The following CYB561D1 variants were observed in gnomAD, a reference collection of about 807,000 sequenced individuals.
CYB561D1 encodes the protein probable transmembrane reductase CYB561D1.
Under a neutral mutation model 19.2 loss-of-function variants are expected in CYB561D1, and 15 were observed. The ratio of observed to expected loss-of-function variants is 0.78; its 90% confidence interval spans 0.52 to 1.20. The LOEUF is 1.20. Among genes scored for constraint, CYB561D1 ranks in the 50% most tolerant of loss-of-function variants. CYB561D1 has a pLI of 0.00. For synonymous variants in CYB561D1, 133 were observed against 120.6 expected (o/e 1.10, Z -0.68); for missense variants, 297 against 287.3 (o/e 1.03, Z -0.24).
In CYB561D1 at chr1:109,496,130, A is replaced by G. The variant is rs765216828; in HGVS notation, c.561A>G (p.Ser187=). The part of the protein sequence containing the change: ...ATVTVLLGMY[S]VWFQAQIKGA... The stretch of plus-strand genomic sequence containing the variant: ...TAACGGTGCTTCTGGGCATGTACTC[A>G]GTATGGTTCCAGGCCCAGATCAAAG... The change falls in exon 3 of 3, where the codon TCA becomes TCG. Residue 187 remains serine (S), a synonymous_variant. Transcript: ENST00000420578. 1.1e-5 allele frequency: 18 copies of G among 1,614,210 alleles called. No homozygotes were observed. In the South Asian group the frequency reaches 2.0e-4, roughly 18 times the overall value.
Position 109,495,987 on chromosome 1 carries a change from G to T in CYB561D1, c.418G>T (p.Val140Phe), listed in dbSNP as rs773029717. The T allele has an allele frequency of 1.9e-6, 3 of 1,610,218 alleles. No homozygotes were observed. The Admixed American group carries it at 5.0e-5, about 27-fold the overall frequency. ...AGCCCTGACACTGCTGGCCACTGCT[G>T]TCCAGGCACTGTGTGGGCTCTGCCT... is the stretch of plus-strand genomic sequence containing the variant. ...VGALTLLATA[V>F]QALCGLCLLC... is the part of the protein sequence containing the mutation. Residue 140 changes from valine to phenylalanine, a missense_variant, in exon 3 of 3, where the codon GTC (valine) becomes TTC (phenylalanine). By Grantham distance (50) the Val-to-Phe change is conservative. Transcript: ENST00000420578.
Position 109,496,133 on chromosome 1 carries a change from ATGGTTCCAGGCC to A in CYB561D1, c.565_576del (p.Trp189_Ala192del), listed in dbSNP as rs1429178521. The A allele has an allele frequency of 6.2e-7, 1 of 1,614,190 alleles. No individual in the cohort carries two copies. Among genetic ancestry groups the A allele is most frequent in the East Asian group, 2.2e-5 (1 of 44,888 alleles). On this transcript the variant is annotated inframe_deletion, in exon 3 of 3. Transcript: ENST00000420578. The stretch of plus-strand genomic sequence containing the variant: ...CGGTGCTTCTGGGCATGTACTCAGT[ATGGTTCCAGGCC>A]CAGATCAAAGGTGCGGCCTGGTACC...
Position 109,498,994 on chromosome 1 carries a change from T to C in CYB561D1, c.*2735T>C, listed in dbSNP as rs1486442486. The C allele has an allele frequency of 1.3e-5, 2 of 151,674 alleles. No homozygotes were observed. The highest frequency in any genetic ancestry group is 4.9e-5 in the African/African-American group (2 of 41,098). 9.4% of individuals were successfully genotyped at this position (151,674 alleles called of 1,614,324 possible). The stretch of plus-strand genomic sequence containing the variant: ...TTTGATTATATTCCAAATTTGATTA[T>C]ATTCAGATTCAACCTTGAGGACATT... On this transcript the variant is annotated 3_prime_UTR_variant, in exon 3 of 3. Transcript: ENST00000420578.
At chr1:109,495,539 T>C (rs1227484611) in intron 2 of CYB561D1, 4 of 816,506 alleles carry the variant, frequency 4.9e-6, no homozygotes, top group Non-Finnish European at 7.5e-6. Flanking sequence ...ATTGTAGAGG[T>C]TGGGATGGGG....
chr1:109,495,565 T>C, intron 2 of CYB561D1, 191 bp from the exon 3 acceptor site: 2 of 1,050,972 alleles, frequency 1.9e-6, no homozygotes, highest in South Asian at 3.3e-5. Flanking sequence ...TCAACCTGAA[T>C]GAGGAGACGT....
At chr1:109,495,529 A>C in intron 2 of CYB561D1, 1 of 778,910 alleles carries the variant, frequency 1.3e-6, no homozygotes, top group Non-Finnish European at 2.0e-6. Context: ...AATGGGAGTC[A>C]TTGTAGAGGT....
rs1657710811 is a variant in CYB561D1, at chr1:109,498,636, G to A, written c.*2377G>A. 6.6e-6 allele frequency: 1 copy of A among 152,198 alleles called. No individual in the cohort carries two copies. Among genetic ancestry groups the A allele is most frequent in the South Asian group, 2.1e-4 (1 of 4,818 alleles). The allele number at this position is 152,198 out of a possible 1,614,324, so 9.4% of individuals were successfully genotyped here. On this transcript the variant is annotated 3_prime_UTR_variant, in exon 3 of 3. Coordinates refer to ENST00000420578, the MANE Select transcript of CYB561D1 (RefSeq NM_182580.3). ...GCCAGGGCACTCTTCCTCCAGCTGGGATCTCAGTGGCTCCCAGCTGCATGG... is the reference window on the plus strand; with the variant it reads ...GCCAGGGCACTCTTCCTCCAGCTGGAATCTCAGTGGCTCCCAGCTGCATGG...
chr1:109,496,016 T>C lies in CYB561D1; in HGVS notation c.447T>C (p.Leu149=). Residue 149 remains leucine, a synonymous_variant, in exon 3 of 3, where the codon CTT becomes CTC. Coordinates refer to ENST00000420578, the MANE Select transcript of CYB561D1 (RefSeq NM_182580.3). ...AGGCACTGTGTGGGCTCTGCCTCCT[T>C]TGTCCCCGGGCAGCCAGGGTCTCAA... ...AVQALCGLCL[L]CPRAARVSRV... 1 of 1,608,966 alleles carries C rather than the reference T, an allele frequency of 6.2e-7. No individual in the cohort carries two copies. The highest frequency in any genetic ancestry group is 8.5e-7 in the Non-Finnish European group (1 of 1,176,066).
At chr1:109,495,104 A>G in intron 1 of CYB561D1, 39 bp from the exon 2 acceptor site, 1 of 1,612,050 alleles carries the variant, frequency 6.2e-7, no homozygotes, top group Non-Finnish European at 8.5e-7. Flanking sequence ...GGCAGGAACA[A>G]TGGTACCAAG....
Position 109,495,002 on chromosome 1 carries a change from T to C in CYB561D1, c.149-141T>C, listed in dbSNP as rs1657439230. 9 of 996,996 alleles carry C rather than the reference T, an allele frequency of 9.0e-6. No individual in the cohort carries two copies. In the Admixed American group the frequency reaches 1.8e-4, roughly 20 times the overall value. The allele number at this position is 996,996 out of a possible 1,614,324, so 61.8% of individuals were successfully genotyped here. On this transcript the variant is annotated intron_variant, in intron 1 of 2. Transcript: ENST00000420578. ...GCTCACCCTGGGGCTCCTTGGCTGC[T>C]CCACTTTGTCCTTAGTTCCTGTGCC... is the stretch of plus-strand genomic sequence containing the variant.
In CYB561D1 at chr1:109,495,599, T is replaced by C; in HGVS notation, c.187-157T>C. Reference sequence around the variant, plus strand: ...GTGCACTCAAGTGCTGATTCCCAAATGTTCCCAGAAATGTTGAGCTGTGAG... The same window carrying C: ...GTGCACTCAAGTGCTGATTCCCAAACGTTCCCAGAAATGTTGAGCTGTGAG... On this transcript the variant is annotated intron_variant, in intron 2 of 2. Coordinates refer to ENST00000420578, the MANE Select transcript of CYB561D1 (RefSeq NM_182580.3). The C allele has an allele frequency of 3.5e-6, 5 of 1,437,928 alleles. No individual in the cohort carries two copies. In the Admixed American group the frequency reaches 1.1e-4, roughly 32 times the overall value. 89.1% of individuals were successfully genotyped at this position (1,437,928 alleles called of 1,614,324 possible).
Position 109,496,382 on chromosome 1 carries a change from C to T in CYB561D1, c.*123C>T. On this transcript the variant is annotated 3_prime_UTR_variant, in exon 3 of 3. Transcript: ENST00000420578. ...TCGCACTTCTTGGCTGGTCCAGGGA[C>T]TGCAGAAACCAAAGCTGCTATTGTT... 2.7e-6 allele frequency: 3 copies of T among 1,100,420 alleles called. No homozygotes were observed. The South Asian group carries it at 5.2e-5, about 19-fold the overall frequency. The allele number at this position is 1,100,420 out of a possible 1,614,324, so 68.2% of individuals were successfully genotyped here.
In CYB561D1 at chr1:109,498,724, C is replaced by T. The variant is rs1274186376; in HGVS notation, c.*2465C>T. 6.6e-6 allele frequency: 1 copy of T among 152,118 alleles called. No homozygotes were observed. Among genetic ancestry groups the T allele is most frequent in the Non-Finnish European group, 1.5e-5 (1 of 68,072 alleles). The allele number at this position is 152,118 out of a possible 1,614,324, so 9.4% of individuals were successfully genotyped here. Reference sequence around the variant, plus strand: ...TTCCCCGCACCTCCCTTATTCTGCTCATGTCTGGGGTATTCACTTGGCTCC... The same window carrying T: ...TTCCCCGCACCTCCCTTATTCTGCTTATGTCTGGGGTATTCACTTGGCTCC... On this transcript the variant is annotated 3_prime_UTR_variant, in exon 3 of 3. Transcript: ENST00000420578.
At chr1:109,494,694 A>G (rs1657407539) in intron 1 of CYB561D1, 4 of 796,198 alleles carry the variant, frequency 5.0e-6, no homozygotes, top group Non-Finnish European at 5.2e-6. Flanking sequence ...AAAATTAGCC[A>G]GGCGTGATGG....
At position 109,497,958 on chromosome 1, in the gene CYB561D1, T is replaced by C. The variant is rs1402628164; in HGVS notation, c.*1699T>C. The C allele has an allele frequency of 6.6e-6, 1 of 152,234 alleles. No homozygotes were observed. The highest frequency in any genetic ancestry group is 6.5e-5 in the Admixed American group (1 of 15,280). 9.4% of individuals were successfully genotyped at this position (152,234 alleles called of 1,614,324 possible). A position where few individuals can be genotyped will look rare whatever the true frequency, so the allele number is the denominator to read the frequency against. ...AGGCCCCTGCTGTGCAGAGGGGTAT[T>C]GTTCCTGTCTCTTTCATTGTCCTCC... is the stretch of plus-strand genomic sequence containing the variant. On this transcript the variant is annotated 3_prime_UTR_variant, in exon 3 of 3. Transcript: ENST00000420578.
At chr1:109,495,059 G>A in intron 1 of CYB561D1, 84 bp from the exon 2 acceptor site, 1 of 1,497,096 alleles carries the variant, frequency 6.7e-7, no homozygotes, top group Non-Finnish European at 9.3e-7. Flanking sequence ...CTTTTCTCCT[G>A]TGGCTAGATT....
chr1:109,496,165 G>A lies in CYB561D1; in HGVS notation c.596G>A (p.Trp199Ter), dbSNP rs202187355. ...CAGGCCCAGATCAAAGGTGCGGCCT[G>A]GTACCTGTGCCTGGCACTGCCCGTC... is the stretch of plus-strand genomic sequence containing the variant. ...WFQAQIKGAA[W>*]YLCLALPVYP... Residue 199 changes from tryptophan to a stop codon, truncating the protein, a stop_gained, in exon 3 of 3, where the codon TGG becomes TAG. Transcript: ENST00000420578. LOFTEE classifies it high-confidence loss of function. 1 of 1,613,236 alleles carries A rather than the reference G, an allele frequency of 6.2e-7. No individual in the cohort carries two copies. Among genetic ancestry groups the A allele is most frequent in the Non-Finnish European group, 8.5e-7 (1 of 1,179,230 alleles).
At chr1:109,495,579 C>T (rs570527035) in intron 2 of CYB561D1, 177 bp from the exon 3 acceptor site, 2 of 1,251,038 alleles carry the variant, frequency 1.6e-6, no homozygotes, top group South Asian at 1.5e-5. Flanking sequence ...GAGACGTGCA[C>T]TCAAGTGCTG....
Position 109,494,126 on chromosome 1 carries a change from C to G in CYB561D1, c.-14C>G, listed in dbSNP as rs1353936356. Reference sequence around the variant, plus strand: ...TTCGGGCAGCTGGAGTGTACGGGCCCGCGGGCCACGGCCATGCAGCCCCTG... The same window carrying G: ...TTCGGGCAGCTGGAGTGTACGGGCCGGCGGGCCACGGCCATGCAGCCCCTG... On this transcript the variant is annotated 5_prime_UTR_variant, in exon 1 of 3. Transcript: ENST00000420578. 4 of 1,493,744 alleles carry G rather than the reference C, an allele frequency of 2.7e-6. No individual in the cohort carries two copies. The highest frequency in any genetic ancestry group is 2.3e-5 in the Admixed American group (1 of 43,122). 92.5% of individuals were successfully genotyped at this position (1,493,744 alleles called of 1,614,324 possible). A position where few individuals can be genotyped will look rare whatever the true frequency, so the allele number is the denominator to read the frequency against.
Sources: allele counts gnomAD v4.1 joint callset, GRCh38; gene constraint gnomAD v4.1.1; transcripts MANE v1.5; gene names NCBI Gene and HGNC (gene_info 2026-07-23, HGNC 2026-07-21).